ZNF717: variants seen among roughly 807,000 people sequenced by gnomAD.
ZNF717 encodes krueppel-like factor X17.
ZNF717 carries 9 observed loss-of-function variants against 13.8 expected under a neutral mutation model. That is an observed-to-expected ratio of 0.65 (90% CI 0.39 to 1.14). The LOEUF (loss-of-function observed/expected upper bound fraction) is 1.14. Among genes scored for constraint, ZNF717 ranks in the 50% most tolerant of loss-of-function variants. The pLI is 0.01. For missense variants in ZNF717, 1,040 were observed against 1,080.7 expected (o/e 0.96, Z 0.53); for synonymous variants, 327 against 364.1 (o/e 0.90, Z 1.16).
At chr3:75,695,744 TAAG>T (rs1419905360) in intron 6 of ZNF717, among the ~76,000 whole-genome samples, 5 of 151,398 alleles carry the variant, frequency 3.3e-5, no homozygotes, top group Non-Finnish European at 7.4e-5. Context: ...ATAAAAAAGT[TAAG>T]AAGAAAATAG....
downstream of ZNF717, among the ~76,000 whole-genome samples, chr3:75,707,517 C>A (rs1255651964): frequency 1.3e-5 from 2 of 152,392 alleles, no homozygotes; most frequent in East Asian, 3.9e-4. Context: ...CAGCTCCCAG[C>A]ATGAACGACG....
chr3:75,782,026 C>T (rs906190064), intron 2 of ZNF717, among the ~76,000 whole-genome samples: 18 of 152,158 alleles, frequency 1.2e-4, no homozygotes, highest in African/African-American at 3.6e-4. Context: ...GAGAGAATTT[C>T]GTGCGTTAGC....
At chr3:75,776,701 G>T (rs1348789926) in intron 2 of ZNF717, among the ~76,000 whole-genome samples, 4 of 152,176 alleles carry the variant, frequency 2.6e-5, no homozygotes, top group African/African-American at 4.8e-5. Context: ...ATACCCATTG[G>T]AACCCTTAAG....
intron 5 of ZNF717, chr3:75,730,767 A>C: frequency 1.9e-6 from 1 of 523,552 alleles, no homozygotes; most frequent in Non-Finnish European, 3.4e-6. Context: ...AGACTGTTAA[A>C]ACCAAGAAGG....
rs145752538 is a variant in ZNF717 at position 75,762,844 on chromosome 3, G to A, written c.57+20462C>T. ...ATGTAGTCATGACATAAAGACACAC[G>A]AGAAACTTATGGACCAACACAACAG... On this transcript the variant is annotated intron_variant, in intron 2 of 4. Coordinates refer to ENST00000652011, the MANE Select transcript of ZNF717 (RefSeq NM_001290208.3). 1.1e-4 allele frequency among the ~76,000 whole-genome samples: 16 copies of A among 151,772 alleles called. No individual in the cohort carries two copies. The East Asian group carries it at 1.6e-3, about 15-fold the overall frequency.
chr3:75,727,086 T>C (rs1335379898), downstream of ZNF717, among the ~76,000 whole-genome samples: 3 of 152,262 alleles, frequency 2.0e-5, no homozygotes, highest in African/African-American at 7.2e-5. Flanking sequence ...TTCATGGACA[T>C]TTATTAGTTC....
chr3:75,745,087 T>C (rs76442854), intron 2 of ZNF717, among the ~76,000 whole-genome samples: 6 of 151,372 alleles, frequency 4.0e-5, no homozygotes, highest in Admixed American at 3.3e-4. Flanking sequence ...CTCCCTCACA[T>C]AGAATTCCAG....
intron 1 of ZNF717, 103 bp from the exon 2 acceptor site, chr3:75,783,467 C>T (rs1303736960): frequency 2.3e-6 from 2 of 884,844 alleles, no homozygotes; most frequent in East Asian, 2.8e-5. Flanking sequence ...GAAAAGCCCT[C>T]CTCCCTCCTG....
exon 6 of ZNF717, chr3:75,730,511 T>A (rs1461037471): frequency 1.6e-6 from 1 of 622,866 alleles, no homozygotes; most frequent in African/African-American, 1.9e-5. Flanking sequence ...TGGCCAGAAG[T>A]GATACAGACT....
At chr3:75,725,274 T>C (rs1338260952), downstream of ZNF717, among the ~76,000 whole-genome samples, 1 of 152,254 alleles carries the variant, frequency 6.6e-6, no homozygotes, top group African/African-American at 2.4e-5. Context: ...GGTAACTGTG[T>C]TCCTCAAGGA....
At chr3:75,706,135 TA>T (rs113805567), downstream of ZNF717, among the ~76,000 whole-genome samples, 124 of 150,666 alleles carry the variant, frequency 8.2e-4, no homozygotes, top group African/African-American at 2.8e-3. Flanking sequence ...CTTGAAGGAA[TA>T]AAAAAAAAGT....
At chr3:75,719,850 C>A (rs75120251) in intron 4 of ZNF717, among the ~76,000 whole-genome samples, 126 of 152,028 alleles carry the variant, frequency 8.3e-4, no homozygotes, top group African/African-American at 2.7e-3. Context: ...CCCAGCTACT[C>A]GGGAGGTTGA....
In ZNF717 at chr3:75,739,429, C is replaced by G. The variant is rs1268080773; in HGVS notation, c.278-84G>C. ...GTGTAAAGGTAAAAAAAATTACTTC[C>G]TATCTCAGTGGAGTAAGATTTGACA... is the stretch of plus-strand genomic sequence containing the variant. On this transcript the variant is annotated intron_variant, in intron 4 of 4. Coordinates refer to ENST00000652011, the MANE Select transcript of ZNF717 (RefSeq NM_001290208.3). The G allele has an allele frequency of 1.4e-4, 154 of 1,073,712 alleles. 1 individual carries two copies. The African/African-American group carries it at 2.2e-3, about 15-fold the overall frequency. The allele number at this position is 1,073,712 out of a possible 1,614,324, so 66.5% of individuals were successfully genotyped here. A position where few individuals can be genotyped will look rare whatever the true frequency, so the allele number is the denominator to read the frequency against.
rs1939912790 is a variant in ZNF717 at position 75,738,831 on chromosome 3, G to A, written c.792C>T (p.Cys264=). 16 of 1,551,602 alleles carry A rather than the reference G, an allele frequency of 1.0e-5. No individual in the cohort carries two copies. In the South Asian group the frequency reaches 1.7e-4, roughly 16 times the overall value. ...GTTTAGTGAAGTCAGACTTTCTACA[G>A]CAAGTTGGCTGTCCTACCTGAGTTA... ...QVITQVGQPT[C]CRKSDFTKHQ... is the part of the protein sequence containing the mutation. The change falls in exon 5 of 5, where the codon TGC becomes TGT. Residue 264 remains cysteine (C), a synonymous_variant. Transcript: ENST00000652011.
downstream of ZNF717, among the ~76,000 whole-genome samples, chr3:75,731,592 G>C (rs1938557457): frequency 6.6e-6 from 1 of 151,254 alleles, no homozygotes; most frequent in Non-Finnish European, 1.5e-5. Flanking sequence ...AAGAATGGAA[G>C]TAATCAGTCC....
downstream of ZNF717, among the ~76,000 whole-genome samples, chr3:75,734,813 A>AT (rs1196032873): frequency 1.0e-3 from 60 of 60,042 alleles, no homozygotes; most frequent in African/African-American, 4.7e-3. Context: ...ATATATATAT[A>AT]TATATTTTTT....
chr3:75,762,124 A>G (rs1450581576), intron 2 of ZNF717, among the ~76,000 whole-genome samples: 3 of 152,050 alleles, frequency 2.0e-5, no homozygotes, highest in African/African-American at 7.2e-5. Context: ...AAAGAAAACA[A>G]AAGAAAAGAA....
intron 2 of ZNF717, among the ~76,000 whole-genome samples, chr3:75,776,447 A>G (rs1177554510): frequency 6.6e-6 from 1 of 152,232 alleles, no homozygotes; most frequent in Non-Finnish European, 1.5e-5. Context: ...TCTTCCATGC[A>G]AGAGGGTTGA....
intron 2 of ZNF717, among the ~76,000 whole-genome samples, chr3:75,778,212 A>G (rs1252914274): frequency 6.6e-6 from 1 of 152,032 alleles, no homozygotes; most frequent in Admixed American, 6.6e-5. Context: ...GTGACGTGCT[A>G]AAACTGGAAC....
Sources: allele counts gnomAD v4.1 joint callset (sites outside exome capture counted in the v4.1 genomes callset), GRCh38; gene constraint gnomAD v4.1.1; transcripts MANE v1.5; gene names NCBI Gene and HGNC (gene_info 2026-07-23, HGNC 2026-07-21).